Variants in RPL9 observed in about 807,000 individuals in gnomAD.
RPL9 encodes large ribosomal subunit protein uL6.
For synonymous variants in RPL9, 82 were observed against 77.1 expected (o/e 1.06, Z -0.33); for missense variants, 149 against 236.7 (o/e 0.63, Z 2.43).
chr4:39,455,012 T>G, intron 5 of RPL9, 68 bp from the exon 6 acceptor site: 1 of 1,450,782 alleles, frequency 6.9e-7, no homozygotes, highest in Non-Finnish European at 9.5e-7. Context: ...GCAGAGGCAC[T>G]AATTTATTCC....
chr4:39,458,336 C>A (rs1744209107), intron 2 of RPL9, 27 bp from the exon 3 acceptor site: 3 of 1,613,718 alleles, frequency 1.9e-6, no homozygotes, highest in Admixed American at 1.7e-5. Flanking sequence ...ACTCGTCAGG[C>A]CACACAACGC....
chr4:39,457,369 CCAA>C (rs1236319170), intron 4 of RPL9: 7 of 383,670 alleles, frequency 1.8e-5, no homozygotes, highest in African/African-American at 1.1e-4. Flanking sequence ...AAAAAAAAAC[CCAA>C]CAACAGAAAA....
intron 3 of RPL9, 111 bp from the exon 4 acceptor site, chr4:39,457,792 T>C (rs895378219): frequency 6.3e-6 from 6 of 957,656 alleles, no homozygotes; most frequent in Non-Finnish European, 9.8e-6. Flanking sequence ...TCAAAGCACA[T>C]GGTTTTCAAC....
chr4:39,456,701 A>G (rs1364124874), intron 4 of RPL9, 163 bp from the exon 5 acceptor site: 3 of 749,884 alleles, frequency 4.0e-6, no homozygotes, highest in East Asian at 2.7e-5. Context: ...TGTTCTGTCT[A>G]TTCAGTGGAC....
At chr4:39,454,973 A>C in intron 5 of RPL9, 29 bp from the exon 6 acceptor site, 2 of 1,576,968 alleles carry the variant, frequency 1.3e-6, no homozygotes, top group Non-Finnish European at 1.7e-6. Context: ...TTTGCACAGC[A>C]TCAAATCTGT....
At position 39,458,441 on chromosome 4, in the gene RPL9, C is replaced by G; in HGVS notation, c.-1-1G>C. ...CTGATTGCTGAGAATAGTCTTCATT[C>G]TGAAACACAAACACTGGGGGTGAGG... is the stretch of plus-strand genomic sequence containing the variant. On this transcript the variant is annotated splice_acceptor_variant, in intron 1 of 7. Coordinates refer to ENST00000295955, the MANE Select transcript of RPL9 (RefSeq NM_000661.5). LOFTEE classifies it low-confidence loss of function (5UTR_SPLICE). 6.2e-7 allele frequency: 1 copy of G among 1,614,212 alleles called. No homozygotes were observed. Among genetic ancestry groups the G allele is most frequent in the Non-Finnish European group, 8.5e-7 (1 of 1,180,030 alleles).
intron 7 of RPL9, 73 bp from the exon 8 acceptor site, chr4:39,454,298 G>A (rs1031988470): frequency 2.8e-6 from 1 of 357,808 alleles, no homozygotes; most frequent in Non-Finnish European, 5.0e-6. Flanking sequence ...TCTTTTTTCT[G>A]TACTATTCTA....
At chr4:39,458,578 C>T (rs1040762867) in intron 1 of RPL9, 138 bp from the exon 2 acceptor site, 14 of 883,712 alleles carry the variant, frequency 1.6e-5, no homozygotes, top group African/African-American at 1.5e-4. Flanking sequence ...AGACCGACAG[C>T]GGGCCCCAGT....
intron 1 of RPL9, 181 bp downstream of exon 1, chr4:39,458,710 C>A: frequency 1.6e-6 from 1 of 632,230 alleles, no homozygotes; most frequent in Non-Finnish European, 2.8e-6. Context: ...GACTGAGGGG[C>A]GGGAATAGGC....
chr4:39,458,316 G>C lies in RPL9; in HGVS notation c.47-7C>G, dbSNP rs1395198992. 6.2e-7 allele frequency: 1 copy of C among 1,613,904 alleles called. No homozygotes were observed. The highest frequency in any genetic ancestry group is 1.3e-5 in the African/African-American group (1 of 74,874). ...CCCTTCAGAGTAATGTCGACTAGAA[G>C]AGAGAACACACTCGTCAGGCCACAC... On this transcript the variant is annotated splice_region_variant and splice_polypyrimidine_tract_variant and intron_variant, in intron 2 of 7. Coordinates refer to ENST00000295955, the MANE Select transcript of RPL9 (RefSeq NM_000661.5).
rs1578228487 is a variant in RPL9 at position 39,458,891 on chromosome 4, C to T, written c.-2G>A. On this transcript the variant is annotated splice_region_variant and 5_prime_UTR_variant, in exon 1 of 8. Transcript: ENST00000295955. ...CCCACGAGCACAGAAACATCCTTAC[C>T]TCGCAGTAGACGCAGCAAAGAAAGA... 2 of 702,894 alleles carry T rather than the reference C, an allele frequency of 2.8e-6. No individual in the cohort carries two copies. Among genetic ancestry groups the T allele is most frequent in the East Asian group, 5.4e-5 (2 of 37,106 alleles). 43.5% of individuals were successfully genotyped at this position (702,894 alleles called of 1,614,324 possible).
intron 5 of RPL9, 53 bp from the exon 6 acceptor site, chr4:39,454,997 A>G: frequency 6.6e-7 from 1 of 1,523,088 alleles, no homozygotes; most frequent in Non-Finnish European, 9.0e-7. Flanking sequence ...AAAAATATTT[A>G]AATTGCAGAG....
At position 39,455,847 on chromosome 4, in the gene RPL9, C is replaced by T. The variant is rs772476769; in HGVS notation, c.391+559G>A. The T allele has an allele frequency of 1.1e-4, 19 of 176,456 alleles. 2 individuals carry two copies. Among genetic ancestry groups the T allele is most frequent in the South Asian group, 2.4e-4 (2 of 8,346 alleles). 10.9% of individuals were successfully genotyped at this position (176,456 alleles called of 1,614,324 possible). A position where few individuals can be genotyped will look rare whatever the true frequency, so the allele number is the denominator to read the frequency against. On this transcript the variant is annotated intron_variant, in intron 5 of 7. Coordinates refer to ENST00000295955, the MANE Select transcript of RPL9 (RefSeq NM_000661.5). ...GTATTACGCATGCATTGTTGTTTTT[C>T]AACTTTAACTCATTTAATCAAAGAT...
chr4:39,457,515 T>C (rs112160584), intron 4 of RPL9, 71 bp downstream of exon 4: 5 of 1,257,072 alleles, frequency 4.0e-6, no homozygotes, highest in Non-Finnish European at 4.7e-6. Context: ...AAAGAGACAC[T>C]TACGCTGTAT....
intron 3 of RPL9, 69 bp from the exon 4 acceptor site, chr4:39,457,750 G>A (rs769354282): frequency 1.3e-4 from 160 of 1,268,368 alleles, no homozygotes; most frequent in Non-Finnish European, 1.7e-4. Flanking sequence ...ACCACTTACC[G>A]AATTACTTTA....
Position 39,458,349 on chromosome 4 carries a change from G to A in RPL9, c.47-40C>T, listed in dbSNP as rs778104312. The A allele has an allele frequency of 6.7e-5, 108 of 1,613,696 alleles. 4 individuals carry two copies. The South Asian group carries it at 1.1e-3, about 17-fold the overall frequency. ...ACACTCGTCAGGCCACACAACGCTTGGAACGTGCAGTAAAGATGTAAGTAA... is the reference window on the plus strand; with the variant it reads ...ACACTCGTCAGGCCACACAACGCTTAGAACGTGCAGTAAAGATGTAAGTAA... On this transcript the variant is annotated intron_variant, in intron 2 of 7. Transcript: ENST00000295955.
chr4:39,457,367 AC>A, intron 4 of RPL9: 2 of 412,632 alleles, frequency 4.8e-6, no homozygotes, highest in Non-Finnish European at 4.3e-6. Context: ...AAAAAAAAAA[AC>A]CCAACAACAG....
intron 4 of RPL9, chr4:39,457,224 CTTTTTA>C (rs1201735603): frequency 5.8e-6 from 1 of 171,270 alleles, no homozygotes; most frequent in Non-Finnish European, 1.2e-5. Context: ...CATTAGCCTA[CTTTTTA>C]AAAGTTGTAC....
chr4:39,456,707 T>C (rs1001021701), intron 4 of RPL9, 169 bp from the exon 5 acceptor site: 2 of 718,842 alleles, frequency 2.8e-6, no homozygotes, highest in Non-Finnish European at 4.6e-6. Context: ...GTCTATTCAG[T>C]GGACTGTAAA....
Sources: gnomAD v4.1 joint callset for allele counts on GRCh38, gnomAD v4.1.1 for gene constraint, MANE v1.5 for transcripts, NCBI Gene and HGNC (gene_info 2026-07-23, HGNC 2026-07-21) for gene names.